CACNA2D3: variants seen among roughly 807,000 people sequenced by gnomAD.
The protein encoded by CACNA2D3 is voltage-dependent calcium channel subunit alpha-2/delta-3.
Under a neutral mutation model 160.6 loss-of-function variants are expected in CACNA2D3, and 60 were observed. The observed-to-expected ratio is 0.37, with a 90% CI of 0.30 to 0.46. The LOEUF (loss-of-function observed/expected upper bound fraction) is 0.46, where lower values mean the gene tolerates loss of function less well. CACNA2D3 is among the 20% of genes least tolerant of loss of function. The pLI is 1.00. For missense variants in CACNA2D3, 1,205 were observed against 1,365.0 expected, an observed-to-expected ratio of 0.88 and a Z score of 1.85; for synonymous variants, 558 against 492.9, an observed-to-expected ratio of 1.13 and a Z score of -1.75.
intron 2 of CACNA2D3, among the ~76,000 whole-genome samples, chr3:54,209,604 T>C (rs1479534008): frequency 1.3e-5 from 2 of 152,232 alleles, no homozygotes; most frequent in Admixed American, 6.5e-5. Flanking sequence ...CTTTTAACTC[T>C]GATGGAAGAA....
chr3:55,011,238 G>C (rs1042238452), intron 34 of CACNA2D3, among the ~76,000 whole-genome samples: 1 of 152,218 alleles, frequency 6.6e-6, no homozygotes, highest in African/African-American at 2.4e-5. Flanking sequence ...GCCCAGTGGA[G>C]CAGGGCCCCT....
intron 13 of CACNA2D3, among the ~76,000 whole-genome samples, chr3:54,776,848 G>A (rs1184531366): frequency 6.6e-6 from 1 of 152,114 alleles, no homozygotes; most frequent in African/African-American, 2.4e-5. Context: ...CTGCTGTGTG[G>A]GTGGTGGGAA....
chr3:54,559,766 C>T (rs1702296931), intron 5 of CACNA2D3, among the ~76,000 whole-genome samples: 1 of 152,164 alleles, frequency 6.6e-6, no homozygotes, highest in African/African-American at 2.4e-5. Flanking sequence ...CTGAAAGGCC[C>T]CAGTGTGTGT....
intron 2 of CACNA2D3, among the ~76,000 whole-genome samples, chr3:54,222,200 C>G (rs570838488): frequency 6.6e-6 from 1 of 152,316 alleles, no homozygotes; most frequent in East Asian, 1.9e-4. Context: ...GTTTCAAGAT[C>G]TGCAGTAAGC....
rs114234485 is a variant in CACNA2D3, at chr3:54,937,667, A to G, written c.2450-30783A>G. 4.1e-3 allele frequency among the ~76,000 whole-genome samples: 618 copies of G among 152,266 alleles called. 4 individuals are homozygous for G. Among genetic ancestry groups the G allele is most frequent in the African/African-American group, 0.014 (590 of 41,554 alleles). ...CTGAGAGGTGAGGGCAGGCATCCCA[A>G]TGGATGTTATAGCCAGGCTGAAATC... On this transcript the variant is annotated intron_variant, in intron 27 of 37. Transcript: ENST00000474759.
chr3:54,592,204 G>A (rs369960283), intron 9 of CACNA2D3, among the ~76,000 whole-genome samples: 166 of 152,216 alleles, frequency 1.1e-3, no homozygotes, highest in Non-Finnish European at 2.1e-3. Flanking sequence ...TAAAAATGTC[G>A]AAGAGGTAGT....
At chr3:54,146,212 A>G (rs1700027591) in intron 2 of CACNA2D3, among the ~76,000 whole-genome samples, 1 of 151,934 alleles carries the variant, frequency 6.6e-6, no homozygotes, top group Non-Finnish European at 1.5e-5. Flanking sequence ...CAGTACTGCT[A>G]CTCCTGGGAC....
chr3:54,708,084 C>A (rs1331093662), intron 11 of CACNA2D3, among the ~76,000 whole-genome samples: 2 of 152,076 alleles, frequency 1.3e-5, no homozygotes, highest in African/African-American at 4.8e-5. Context: ...TTATTTGAAG[C>A]CAAAGTCAGA....
At chr3:54,307,835 A>G (rs1703647651) in intron 2 of CACNA2D3, among the ~76,000 whole-genome samples, 1 of 152,208 alleles carries the variant, frequency 6.6e-6, no homozygotes, top group Non-Finnish European at 1.5e-5. Context: ...AGTTAAGCCA[A>G]TTAACTTTTG....
At chr3:54,676,929 G>A (rs1700254236) in intron 11 of CACNA2D3, among the ~76,000 whole-genome samples, 1 of 152,166 alleles carries the variant, frequency 6.6e-6, no homozygotes, top group South Asian at 2.1e-4. Context: ...GGAGTCAGAT[G>A]TCCGTAATGC....
chr3:55,025,931 T>C (rs358050), intron 35 of CACNA2D3, among the ~76,000 whole-genome samples: 30,674 of 151,742 alleles, frequency 0.2, 3,666 homozygotes, highest in East Asian at 0.45. Flanking sequence ...AATGGGGACT[T>C]GGGTTTTTTC....
chr3:54,526,674 TA>T (rs1701728117), intron 5 of CACNA2D3, among the ~76,000 whole-genome samples: 1 of 152,122 alleles, frequency 6.6e-6, no homozygotes, highest in African/African-American at 2.4e-5. Flanking sequence ...TAAGTACCCA[TA>T]AGTATTTGTT....
At chr3:54,968,890 G>A (rs1189881682) in intron 28 of CACNA2D3, among the ~76,000 whole-genome samples, 1 of 152,086 alleles carries the variant, frequency 6.6e-6, no homozygotes, top group Non-Finnish European at 1.5e-5. Flanking sequence ...AACCCTTTAC[G>A]TAACTAGTTT....
At chr3:54,780,552 T>G (rs116136503) in intron 13 of CACNA2D3, among the ~76,000 whole-genome samples, 1 of 152,188 alleles carries the variant, frequency 6.6e-6, no homozygotes, top group African/African-American at 2.4e-5. Flanking sequence ...CCAGAGAAAT[T>G]TGATACTGGG....
In CACNA2D3 at chr3:54,717,601, CGT is replaced by C. The variant is rs562602682; in HGVS notation, c.1168-34990_1168-34989del. 1.7e-3 allele frequency among the ~76,000 whole-genome samples: 194 copies of C among 115,984 alleles called. 3 individuals carry two copies. The highest frequency in any genetic ancestry group is 4.1e-4 in the African/African-American group (12 of 29,000). The allele number at this position is 115,984 out of a possible 152,430, so 76.1% of individuals were successfully genotyped here. A position where few individuals can be genotyped will look rare whatever the true frequency, so the allele number is the denominator to read the frequency against. ...ATGTGTGCGTGTGTGTGCATACATTCGTGTGTGTGGTGTGTGTAGTGTGCATG... is the reference window on the plus strand; with the variant it reads ...ATGTGTGCGTGTGTGTGCATACATTCGTGTGTGGTGTGTGTAGTGTGCATG... On this transcript the variant is annotated intron_variant, in intron 11 of 37. Coordinates refer to ENST00000474759, the MANE Select transcript of CACNA2D3 (RefSeq NM_018398.3).
chr3:54,563,483 C>T (rs1702359909), intron 6 of CACNA2D3, among the ~76,000 whole-genome samples: 1 of 152,202 alleles, frequency 6.6e-6, no homozygotes, highest in Admixed American at 6.5e-5. Flanking sequence ...CCCCAGTACT[C>T]CCAGCGGTGC....
At chr3:54,206,093 A>G (rs904768818) in intron 2 of CACNA2D3, among the ~76,000 whole-genome samples, 14 of 152,248 alleles carry the variant, frequency 9.2e-5, no homozygotes, top group African/African-American at 3.4e-4. Context: ...TTATTTATAC[A>G]TAGAAAACGT....
intron 18 of CACNA2D3, among the ~76,000 whole-genome samples, chr3:54,873,867 A>G (rs1244325295): frequency 6.6e-6 from 1 of 152,252 alleles, no homozygotes; most frequent in Non-Finnish European, 1.5e-5. Context: ...CATGTCACTA[A>G]TTGGAGAATT....
At chr3:54,523,213 C>T (rs1161996255) in intron 5 of CACNA2D3, among the ~76,000 whole-genome samples, 1 of 152,032 alleles carries the variant, frequency 6.6e-6, no homozygotes, top group Non-Finnish European at 1.5e-5. Context: ...AAGAAGTCAC[C>T]TTCTATTCCT....
Sources: allele counts gnomAD v4.1 joint callset (sites outside exome capture counted in the v4.1 genomes callset), GRCh38; gene constraint gnomAD v4.1.1; transcripts MANE v1.5; gene names NCBI Gene and HGNC (gene_info 2026-07-23, HGNC 2026-07-21).